GLMN: variants seen among roughly 807,000 people sequenced by gnomAD.
GLMN encodes glomulin.
GLMN carries 75 observed loss-of-function variants against 87.8 expected under a neutral mutation model. The observed-to-expected ratio is 0.85, with a 90% CI of 0.71 to 1.04. The LOEUF (loss-of-function observed/expected upper bound fraction) is 1.04, where lower values mean the gene tolerates loss of function less well. Ranked by LOEUF, GLMN falls within the 50% of genes least tolerant of loss-of-function variation. The pLI is 0.00. For missense variants in GLMN, 588 were observed against 658.8 expected, an observed-to-expected ratio of 0.89 and a Z score of 1.18; for synonymous variants, 206 against 221.6, an observed-to-expected ratio of 0.93 and a Z score of 0.63.
chr1:92,298,641 CAGG>C lies in GLMN; in HGVS notation c.-31+281_-31+283del, dbSNP rs745309925. Among the ~76,000 whole-genome samples, 15 of 152,204 alleles carry C rather than the reference CAGG, an allele frequency of 9.9e-5. No homozygotes were observed. In the South Asian group the frequency reaches 1.0e-3, roughly 10 times the overall value. ...ACGGAGACAAGACAACGGCGGCCTT[CAGG>C]AGGAGACCATCGCTTCTCCTGGCGG... is the stretch of plus-strand genomic sequence containing the variant. On this transcript the variant is annotated intron_variant, in intron 1 of 18. Transcript: ENST00000370360.
At chr1:92,255,088 A>G (rs1349522584) in intron 16 of GLMN, among the ~76,000 whole-genome samples, 2 of 152,156 alleles carry the variant, frequency 1.3e-5, no homozygotes, top group Non-Finnish European at 2.9e-5. Flanking sequence ...GGAAAGAAAA[A>G]AAAAAAGCAG....
At chr1:92,343,343 A>T in the GLMN span, among the ~76,000 whole-genome samples, 1 of 152,162 alleles carries the variant, frequency 6.6e-6, no homozygotes, top group Non-Finnish European at 1.5e-5. Context: ...GGGTGATATT[A>T]TTGTCCTTAT....
At chr1:92,302,749 A>G (rs1275056819), upstream of GLMN, among the ~76,000 whole-genome samples, 3 of 151,390 alleles carry the variant, frequency 2.0e-5, no homozygotes, top group East Asian at 2.0e-4. Flanking sequence ...CTGGGCGCCC[A>G]CCATTACGCC....
At position 92,267,948 on chromosome 1, in the gene GLMN, A is replaced by C. The variant is rs1270358073; in HGVS notation, c.1063T>G (p.Tyr355Asp). 1 of 1,547,606 alleles carries C rather than the reference A, an allele frequency of 6.5e-7. No individual in the cohort carries two copies. The highest frequency in any genetic ancestry group is 8.9e-7 in the Non-Finnish European group (1 of 1,119,580). ...GTAAGAAAACTCTTGATTTCTAAGT[A>C]CTGGTAAAGTAGACTATTGTCTTCT... ...RIEDNSLLYQ[Y>D]LEIKSFLTVP... Residue 355 changes from tyrosine to aspartate, a missense_variant, in exon 11 of 19, where the codon TAC becomes GAC. Tyr to Asp is a radical substitution (Grantham distance 160, BLOSUM62 -3). Coordinates refer to ENST00000370360, the MANE Select transcript of GLMN (RefSeq NM_053274.3).
At chr1:92,308,571 A>G in the GLMN span, among the ~76,000 whole-genome samples, 5 of 152,060 alleles carry the variant, frequency 3.3e-5, no homozygotes, top group Non-Finnish European at 7.4e-5. Context: ...CCTCATATCT[A>G]CCTCAACTGC....
intron 16 of GLMN, among the ~76,000 whole-genome samples, chr1:92,255,160 A>G (rs1327442893): frequency 6.6e-6 from 1 of 152,178 alleles, no homozygotes; most frequent in Non-Finnish European, 1.5e-5. Flanking sequence ...AAAAAGACAA[A>G]GAAGGGCATT....
the GLMN span, among the ~76,000 whole-genome samples, chr1:92,342,939 G>A: frequency 8.5e-5 from 13 of 152,192 alleles, no homozygotes; most frequent in Non-Finnish European, 1.8e-4. Flanking sequence ...CCAAGTAGAA[G>A]TGTCAAGTGG....
chr1:92,258,209 T>C (rs1487667189), intron 16 of GLMN, among the ~76,000 whole-genome samples: 1 of 152,036 alleles, frequency 6.6e-6, no homozygotes, highest in Non-Finnish European at 1.5e-5. Context: ...TGAGATACCA[T>C]CTCATGCCAG....
At chr1:92,324,136 G>A in the GLMN span, 1 of 1,614,098 alleles carries the variant, frequency 6.2e-7, no homozygotes, top group African/African-American at 1.3e-5. Flanking sequence ...GGTTAAAGAA[G>A]AACTTGATGA....
chr1:92,337,965 T>A, the GLMN span, among the ~76,000 whole-genome samples: 4 of 152,216 alleles, frequency 2.6e-5, no homozygotes, highest in Admixed American at 6.5e-5. Context: ...TCCCAAGATA[T>A]GTTCTTGAGA....
intron 7 of GLMN, among the ~76,000 whole-genome samples, chr1:92,275,725 C>G (rs1341139520): frequency 6.6e-6 from 1 of 152,206 alleles, no homozygotes; most frequent in Non-Finnish European, 1.5e-5. Context: ...CTAAATCCTA[C>G]AGATGCTTTT....
intron 6 of GLMN, 45 bp from the exon 7 acceptor site, chr1:92,286,637 T>G (rs765944608): frequency 1.2e-5 from 11 of 900,554 alleles, no homozygotes; most frequent in South Asian, 1.2e-4. Context: ...CACTTCCAAG[T>G]ATAAAATCCC....
chr1:92,323,899 G>A, the GLMN span: 9 of 1,613,996 alleles, frequency 5.6e-6, no homozygotes, highest in South Asian at 4.4e-5. Context: ...AATAACTCTA[G>A]TAGGCATAAG....
the GLMN span, among the ~76,000 whole-genome samples, chr1:92,311,256 C>T: frequency 1.3e-5 from 2 of 152,114 alleles, no homozygotes; most frequent in Non-Finnish European, 1.5e-5. Flanking sequence ...ATTCAACTTC[C>T]GAGTTCCCTT....
rs760533628 is a variant in GLMN at position 92,247,913 on chromosome 1, T to C, written c.1550A>G (p.Lys517Arg). ...KPLHIGLNMS[K>R]AHYEAEIKNS... ...TTTAATTTCTGCTTCATAATGTGCT[T>C]TTGACATATTAAGTCCTATATGAAG... The change falls in exon 17 of 19, where the codon AAA becomes AGA. Residue 517 changes from lysine to arginine, a missense_variant. Physicochemically the swap from Lys to Arg is conservative, Grantham distance 26. Transcript: ENST00000370360. 7.1e-7 allele frequency: 1 copy of C among 1,399,286 alleles called. No homozygotes were observed. Among genetic ancestry groups the C allele is most frequent in the Non-Finnish European group, 1.0e-6 (1 of 985,342 alleles). The allele number at this position is 1,399,286 out of a possible 1,614,324, so 86.7% of individuals were successfully genotyped here. A position where few individuals can be genotyped will look rare whatever the true frequency, so the allele number is the denominator to read the frequency against.
the GLMN span, among the ~76,000 whole-genome samples, chr1:92,341,913 G>A: frequency 6.6e-6 from 1 of 152,172 alleles, no homozygotes; most frequent in Non-Finnish European, 1.5e-5. Flanking sequence ...AACGTGCTAG[G>A]ATTACAGGCG....
chr1:92,247,497 G>A (rs981414196), intron 17 of GLMN, among the ~76,000 whole-genome samples: 6 of 152,118 alleles, frequency 3.9e-5, no homozygotes, highest in Non-Finnish European at 8.8e-5. Context: ...GAGATCACAC[G>A]ATTATTATAG....
At chr1:92,302,099 G>A (rs1213111413), upstream of GLMN, among the ~76,000 whole-genome samples, 10 of 152,076 alleles carry the variant, frequency 6.6e-5, no homozygotes, top group Admixed American at 5.2e-4. Context: ...TGGCCAACAT[G>A]GTGAAACCTC....
chr1:92,305,432 C>CAAAAAAAAAAAAAAAAAAAAA, the GLMN span, among the ~76,000 whole-genome samples: 41 of 52,668 alleles, frequency 7.8e-4, no homozygotes, highest in East Asian at 2.7e-3. Flanking sequence ...GGCTCCGTCT[C>CAAAAAAAAAAAAAAAAAAAAA]AAAAAAAAAA....
Sources: allele counts gnomAD v4.1 joint callset (sites outside exome capture counted in the v4.1 genomes callset), GRCh38; gene constraint gnomAD v4.1.1; transcripts MANE v1.5; gene names NCBI Gene and HGNC (gene_info 2026-07-23, HGNC 2026-07-21).